The following DENND5B variants were observed in gnomAD, a reference collection of about 807,000 sequenced individuals.
DENND5B encodes DENN domain containing 5B.
In DENND5B, 34 loss-of-function variants were observed where a neutral mutation model predicts 140.6. The observed-to-expected ratio is 0.24, with a 90% CI of 0.18 to 0.32. DENND5B has a LOEUF of 0.32. Ranked by LOEUF, DENND5B falls within the 10% of genes least tolerant of loss-of-function variation. The pLI, the probability that DENND5B is intolerant of heterozygous loss-of-function variation, is 1.00. For missense variants in DENND5B, 1,142 were observed against 1,560.2 expected (o/e 0.73, Z 4.52); for synonymous variants, 551 against 562.1 (o/e 0.98, Z 0.28).
chr12:31,531,192 CTT>C (rs57219180), intron 1 of DENND5B, among the ~76,000 whole-genome samples: 3 of 147,884 alleles, frequency 2.0e-5, no homozygotes, highest in African/African-American at 7.4e-5. Flanking sequence ...TTAGAACTAA[CTT>C]TTTTTTTTTT....
chr12:31,408,959 TCTAACCCCCATGGTGAG>T (rs1236693654), intron 14 of DENND5B, among the ~76,000 whole-genome samples: 2 of 152,176 alleles, frequency 1.3e-5, no homozygotes, highest in African/African-American at 4.8e-5. Context: ...TCCTCATCTA[TCTAACCCCCATGGTGAG>T]CTCCGGGACA....
At chr12:31,444,584 A>T (rs189304176) in intron 6 of DENND5B, among the ~76,000 whole-genome samples, 1 of 152,264 alleles carries the variant, frequency 6.6e-6, no homozygotes, top group Admixed American at 6.5e-5. Context: ...TTCTGTGATG[A>T]CAGTGGGAGT....
Position 31,398,250 on chromosome 12 carries a change from G to A in DENND5B, c.3181C>T (p.Arg1061Trp), listed in dbSNP as rs368956997. 174 of 1,597,206 alleles carry A rather than the reference G, an allele frequency of 1.1e-4. No homozygotes were observed. Among genetic ancestry groups the A allele is most frequent in the Middle Eastern group, 1.6e-4 (1 of 6,068 alleles). Residue 1061 changes from arginine (R) to tryptophan (W), a missense_variant, in exon 17 of 21, where the codon CGG (arginine) becomes TGG (tryptophan). This residue lies in a region of DENND5B where 268 missense variants were observed against 349.2 expected (regional missense o/e 0.77). Transcript: ENST00000389082. ...GGTGACTTCTGCTGGGGTGGAGTCC[G>A]ACACTGCTTTACTAGATCTTCATCT... ...ASDEDLVKQC[R>W]TPPQQKSPTT...
intron 5 of DENND5B, chr12:31,451,605 G>A (rs764654982): frequency 3.8e-6 from 1 of 265,764 alleles, no homozygotes. Flanking sequence ...TTACAGGCAT[G>A]AGCCACCGTG....
At chr12:31,437,490 A>G (rs1216305338) in intron 7 of DENND5B, among the ~76,000 whole-genome samples, 1 of 152,194 alleles carries the variant, frequency 6.6e-6, no homozygotes, top group African/African-American at 2.4e-5. Flanking sequence ...TCTAACATGT[A>G]GGTTTACAGA....
rs187113671 is a variant in DENND5B at position 31,571,919 on chromosome 12, A to G, written c.127+18787T>C. Among the ~76,000 whole-genome samples the G allele has an allele frequency of 1.1e-3, 171 of 152,258 alleles. 2 individuals carry two copies. Among genetic ancestry groups the G allele is most frequent in the African/African-American group, 3.8e-3 (158 of 41,554 alleles). On this transcript the variant is annotated intron_variant, in intron 1 of 20. Coordinates refer to ENST00000389082, the MANE Select transcript of DENND5B (RefSeq NM_144973.4). ...CCACCGTACCCAGCCAAAAGCTACA[A>G]TTTTTTAAAAGCACATATTGCCAGG... is the stretch of plus-strand genomic sequence containing the variant.
intron 1 of DENND5B, among the ~76,000 whole-genome samples, chr12:31,586,966 T>C (rs115564830): frequency 2.0e-5 from 3 of 152,290 alleles, no homozygotes; most frequent in African/African-American, 4.8e-5. Flanking sequence ...TCTACGGAAA[T>C]AGTCAAGAAA....
intron 1 of DENND5B, among the ~76,000 whole-genome samples, chr12:31,501,534 G>A (rs975405167): frequency 3.3e-5 from 5 of 152,178 alleles, no homozygotes; most frequent in African/African-American, 7.2e-5. Context: ...AATACTTTGG[G>A]AGGCCAAGGA....
In DENND5B at chr12:31,402,582, T is replaced by G; in HGVS notation, c.2865A>C (p.Ser955=). Reference sequence around the variant, plus strand: ...CTCCTGATACACAGATCCAAGGGTTTGATGTGATTATTGCATTGCTCAGCT... The same window carrying G: ...CTCCTGATACACAGATCCAAGGGTTGGATGTGATTATTGCATTGCTCAGCT... The part of the protein sequence containing the change: ...IKKLSNAIIT[S]NPWICVSGEL... The change falls in exon 15 of 21, where the codon TCA becomes TCC. Residue 955 remains serine (S), a synonymous_variant. Coordinates refer to ENST00000389082, the MANE Select transcript of DENND5B (RefSeq NM_144973.4). 1 of 1,613,950 alleles carries G rather than the reference T, an allele frequency of 6.2e-7. No individual in the cohort carries two copies. The highest frequency in any genetic ancestry group is 2.2e-5 in the East Asian group (1 of 44,870).
At chr12:31,515,214 A>G (rs1947583607) in intron 1 of DENND5B, among the ~76,000 whole-genome samples, 1 of 152,218 alleles carries the variant, frequency 6.6e-6, no homozygotes, top group African/African-American at 2.4e-5. Context: ...CTGAGGTGGA[A>G]GGATCACATG....
intron 19 of DENND5B, 46 bp from the exon 20 acceptor site, chr12:31,389,544 C>T: frequency 6.6e-7 from 1 of 1,505,940 alleles, no homozygotes; most frequent in Non-Finnish European, 9.0e-7. Context: ...GTCAACACTT[C>T]ATATATAGAA....
chr12:31,451,185 T>TTTCTTGACTAAATAAAG (rs1565591045), intron 5 of DENND5B, among the ~76,000 whole-genome samples: 5 of 151,968 alleles, frequency 3.3e-5, no homozygotes, highest in Admixed American at 1.3e-4. Flanking sequence ...ACTAAATAAA[T>TTTCTTGACTAAATAAAG]AGATTTCTTC....
At chr12:31,499,806 T>C (rs1221257786) in intron 1 of DENND5B, 2 of 585,590 alleles carry the variant, frequency 3.4e-6, no homozygotes, top group Non-Finnish European at 5.4e-6. Context: ...CATTAGAATG[T>C]AGCTTAACAC....
rs558453031 is a variant in DENND5B at position 31,437,936 on chromosome 12, G to A, written c.2013-4688C>T. Among the ~76,000 whole-genome samples the A allele has an allele frequency of 1.4e-4, 22 of 152,340 alleles. No homozygotes were observed. In the South Asian group the frequency reaches 4.3e-3, roughly 30 times the overall value. ...TCACATTTTAACATTCCATGGTGATGCGATTCTGAGTGGTTAAAAATTAAC... is the reference window on the plus strand; with the variant it reads ...TCACATTTTAACATTCCATGGTGATACGATTCTGAGTGGTTAAAAATTAAC... On this transcript the variant is annotated intron_variant, in intron 7 of 20. Coordinates refer to ENST00000389082, the MANE Select transcript of DENND5B (RefSeq NM_144973.4).
rs1206117460 is a variant in DENND5B, at chr12:31,537,687, A to T, written c.128-41768T>A. Among the ~76,000 whole-genome samples the T allele has an allele frequency of 2.0e-5, 3 of 152,094 alleles. 1 individual carries two copies. Among genetic ancestry groups the T allele is most frequent in the Admixed American group, 2.0e-4 (3 of 15,262 alleles). ...AAAAGACAGAGTGGCTGAAGGGATTAAAAAAACAAAAAACAAAAAAACAAG... is the reference window on the plus strand; with the variant it reads ...AAAAGACAGAGTGGCTGAAGGGATTTAAAAAACAAAAAACAAAAAAACAAG... On this transcript the variant is annotated intron_variant, in intron 1 of 20. Transcript: ENST00000389082.
At chr12:31,508,401 G>C (rs1009828390) in intron 1 of DENND5B, among the ~76,000 whole-genome samples, 3 of 152,154 alleles carry the variant, frequency 2.0e-5, no homozygotes, top group Non-Finnish European at 2.9e-5. Flanking sequence ...CTAAAAGAAA[G>C]ATATAAATTA....
Position 31,447,789 on chromosome 12 carries a change from A to G in DENND5B, c.1630-20T>C, listed in dbSNP as rs993428233. On this transcript the variant is annotated intron_variant, in intron 5 of 20. Coordinates refer to ENST00000389082, the MANE Select transcript of DENND5B (RefSeq NM_144973.4). ...GGAAGCCTGTAATGAGATAATTAGG[A>G]AATTATTAGTGCAAAGAGACCATCT... 1.6e-5 allele frequency: 25 copies of G among 1,517,250 alleles called. No individual in the cohort carries two copies. The highest frequency in any genetic ancestry group is 2.2e-5 in the Non-Finnish European group (25 of 1,112,392). The allele number at this position is 1,517,250 out of a possible 1,614,324, so 94.0% of individuals were successfully genotyped here.
At chr12:31,576,378 G>A (rs746145628) in intron 1 of DENND5B, among the ~76,000 whole-genome samples, 9 of 150,032 alleles carry the variant, frequency 6.0e-5, no homozygotes, top group African/African-American at 9.8e-5. Context: ...GCTTGAACCC[G>A]GGAGACAGAG....
At chr12:31,414,670 C>T (rs148852220) in intron 12 of DENND5B, among the ~76,000 whole-genome samples, 22,522 of 151,904 alleles carry the variant, frequency 0.15, 1,883 homozygotes, top group East Asian at 0.25. Context: ...CAGTGGCTCG[C>T]GCCTGTAATC....
Sources: gnomAD v4.1 joint callset for allele counts (sites outside exome capture counted in the v4.1 genomes callset) on GRCh38, gnomAD v4.1.1 for gene constraint, gnomAD v4.1.1 regional missense constraint, MANE v1.5 for transcripts, NCBI Gene and HGNC (gene_info 2026-07-23, HGNC 2026-07-21) for gene names.